Variants in GADL1 observed in about 807,000 individuals in gnomAD.
GADL1 encodes acidic amino acid decarboxylase GADL1.
GADL1 carries 71 observed loss-of-function variants against 69.5 expected under a neutral mutation model. The observed-to-expected ratio is 1.02, with a 90% CI of 0.84 to 1.25. GADL1 has a LOEUF of 1.25. Ranked by LOEUF, GADL1 falls within the 50% of genes most tolerant of loss-of-function variation. GADL1 has a pLI of 0.00. For synonymous variants in GADL1, 254 were observed against 214.4 expected (o/e 1.18, Z -1.62); for missense variants, 737 against 631.8 (o/e 1.17, Z -1.79).
At chr3:30,883,197 G>A (rs1698664128) in intron 1 of GADL1, among the ~76,000 whole-genome samples, 1 of 151,760 alleles carries the variant, frequency 6.6e-6, no homozygotes, top group Admixed American at 6.6e-5. Flanking sequence ...CCTGTGCTTT[G>A]GTGTCATATC....
rs150886818 is a variant in GADL1 at position 30,807,056 on chromosome 3, C to T, written c.1051-5968G>A. Reference sequence around the variant, plus strand: ...CTTGGGCTTCATTTTTCTCATTGGCCTAATGAAAATGCTGTTACTTGTTCT... The same window carrying T: ...CTTGGGCTTCATTTTTCTCATTGGCTTAATGAAAATGCTGTTACTTGTTCT... On this transcript the variant is annotated intron_variant, in intron 11 of 14. Transcript: ENST00000282538. Among the ~76,000 whole-genome samples, 917 of 152,262 alleles carry T rather than the reference C, an allele frequency of 6.0e-3. 9 individuals are homozygous for T. The highest frequency in any genetic ancestry group is 0.02 in the African/African-American group (840 of 41,544).
chr3:30,848,276 G>C (rs774857038), intron 6 of GADL1, among the ~76,000 whole-genome samples: 4 of 152,140 alleles, frequency 2.6e-5, no homozygotes, highest in Non-Finnish European at 5.9e-5. Context: ...AAGAATCTCA[G>C]GCTAGATGAT....
rs1384289687 is a variant in GADL1 at position 30,857,047 on chromosome 3, C to T, written c.305G>A (p.Cys102Tyr). The T allele has an allele frequency of 4.5e-6, 7 of 1,549,710 alleles. No individual in the cohort carries two copies. In the South Asian group the frequency reaches 7.1e-5, roughly 16 times the overall value. Residue 102 changes from cysteine (C) to tyrosine (Y), a missense_variant, in exon 3 of 15, where the codon TGT becomes TAT. Physicochemically the swap from Cys to Tyr is radical, Grantham distance 194. Transcript: ENST00000282538. ...GEPPHKLLEL[C>Y]RDVIHYSVKT... ...GACACTGTAGTGTATGACATCCCGACAGAGTTCCAATAGTTTATGGGGTGG... is the reference window on the plus strand; with the variant it reads ...GACACTGTAGTGTATGACATCCCGATAGAGTTCCAATAGTTTATGGGGTGG...
chr3:30,891,758 C>A (rs1024462483), intron 1 of GADL1, among the ~76,000 whole-genome samples: 2 of 151,980 alleles, frequency 1.3e-5, no homozygotes, highest in African/African-American at 4.8e-5. Flanking sequence ...AGGGACCATG[C>A]ACCCAGTGAT....
chr3:30,854,505 C>A lies in GADL1; in HGVS notation c.428+194G>T, dbSNP rs192795238. On this transcript the variant is annotated intron_variant, in intron 4 of 14. Coordinates refer to ENST00000282538, the MANE Select transcript of GADL1 (RefSeq NM_207359.3). ...CATTAAATGAGATAATAATGACTGC[C>A]TTTTCCATCTCACGGTACCACTATT... Among the ~76,000 whole-genome samples the A allele has an allele frequency of 8.7e-4, 132 of 152,174 alleles. 1 individual carries two copies. The highest frequency in any genetic ancestry group is 3.4e-3 in the Middle Eastern group (1 of 294).
At chr3:30,870,189 G>A (rs1575242375) in intron 1 of GADL1, among the ~76,000 whole-genome samples, 1 of 151,812 alleles carries the variant, frequency 6.6e-6, no homozygotes, top group African/African-American at 2.4e-5. Context: ...AATAATGCAG[G>A]CTATAATGTT....
chr3:30,743,055 C>A (rs1398549834), intron 14 of GADL1, among the ~76,000 whole-genome samples: 1 of 151,652 alleles, frequency 6.6e-6, no homozygotes, highest in Non-Finnish European at 1.5e-5. Context: ...TTTTCAGAGT[C>A]CAAAAATGCT....
At chr3:30,739,629 A>G (rs1218343808) in intron 14 of GADL1, among the ~76,000 whole-genome samples, 2 of 152,172 alleles carry the variant, frequency 1.3e-5, no homozygotes, top group Non-Finnish European at 2.9e-5. Flanking sequence ...TTATTCAGCT[A>G]TAGTGCATCC....
chr3:30,748,492 T>A (rs1695746182), intron 14 of GADL1, among the ~76,000 whole-genome samples: 1 of 152,164 alleles, frequency 6.6e-6, no homozygotes, highest in Admixed American at 6.5e-5. Flanking sequence ...TCTGCCGGAA[T>A]GTCAGCATCT....
chr3:30,783,329 C>A (rs1014226992), intron 13 of GADL1, among the ~76,000 whole-genome samples: 2 of 152,134 alleles, frequency 1.3e-5, no homozygotes, highest in Admixed American at 6.5e-5. Flanking sequence ...TTAGATCCAA[C>A]ACAGAAAAAT....
At chr3:30,887,243 G>T (rs1698721904) in intron 1 of GADL1, among the ~76,000 whole-genome samples, 1 of 152,180 alleles carries the variant, frequency 6.6e-6, no homozygotes, top group Non-Finnish European at 1.5e-5. Context: ...AAAAGAAGGT[G>T]CTGTGGTTTG....
intron 6 of GADL1, among the ~76,000 whole-genome samples, chr3:30,847,619 G>A (rs932073430): frequency 6.6e-6 from 1 of 152,136 alleles, no homozygotes; most frequent in African/African-American, 2.4e-5. Context: ...GGAATGAGCT[G>A]CAAAGTAGTG....
At chr3:30,843,258 C>CTT (rs71094001) in intron 8 of GADL1, among the ~76,000 whole-genome samples, 41,304 of 139,036 alleles carry the variant, frequency 0.3, 7,573 homozygotes, top group East Asian at 0.48. Flanking sequence ...AATGATACAC[C>CTT]TTTTTTTTTT....
chr3:30,836,195 C>G (rs2125524852), intron 9 of GADL1, among the ~76,000 whole-genome samples: 1 of 152,120 alleles, frequency 6.6e-6, no homozygotes, highest in African/African-American at 2.4e-5. Flanking sequence ...TTCCACCTGC[C>G]TCATACCCTA....
intron 12 of GADL1, among the ~76,000 whole-genome samples, chr3:30,788,047 C>T (rs1347199352): frequency 2.0e-5 from 3 of 152,154 alleles, no homozygotes; most frequent in Non-Finnish European, 4.4e-5. Flanking sequence ...TACACATGGG[C>T]ACGTATGCTC....
chr3:30,803,395 G>A lies in GADL1; in HGVS notation c.1051-2307C>T, dbSNP rs544528113. The stretch of plus-strand genomic sequence containing the variant: ...GGACAAATCATGCACACATGTTCAC[G>A]ACACAGGCACACACACTTGCATTAT... On this transcript the variant is annotated intron_variant, in intron 11 of 14. Transcript: ENST00000282538. Among the ~76,000 whole-genome samples the A allele has an allele frequency of 5.3e-5, 8 of 152,004 alleles. No individual in the cohort carries two copies. In the South Asian group the frequency reaches 1.5e-3, roughly 28 times the overall value.
intron 14 of GADL1, among the ~76,000 whole-genome samples, chr3:30,733,381 T>G (rs1280989505): frequency 5.9e-5 from 9 of 152,168 alleles, no homozygotes; most frequent in Admixed American, 5.9e-4. Flanking sequence ...CTTTATACTT[T>G]CCTCCCACGT....
chr3:30,849,119 C>G (rs1004389099), intron 6 of GADL1, among the ~76,000 whole-genome samples: 3 of 152,072 alleles, frequency 2.0e-5, no homozygotes, highest in African/African-American at 7.2e-5. Context: ...CTAGACTGAC[C>G]TGATGGAGAA....
intron 8 of GADL1, among the ~76,000 whole-genome samples, 161 bp downstream of exon 8, chr3:30,844,049 T>C (rs1698013692): frequency 6.6e-6 from 1 of 151,966 alleles, no homozygotes; most frequent in South Asian, 2.1e-4. Context: ...TGTAAATGAG[T>C]TTTCCTATTT....
Sources: allele counts gnomAD v4.1 joint callset (sites outside exome capture counted in the v4.1 genomes callset), GRCh38; gene constraint gnomAD v4.1.1; transcripts MANE v1.5; gene names NCBI Gene and HGNC (gene_info 2026-07-23, HGNC 2026-07-21).